Variants in TRABD2B observed in about 807,000 individuals in gnomAD.
TRABD2B encodes TraB domain containing 2B.
A neutral mutation model predicts 40.1 loss-of-function variants in TRABD2B; 14 were observed. The observed-to-expected ratio is 0.35, with a 90% CI of 0.23 to 0.55. TRABD2B has a LOEUF of 0.55. Among genes scored for constraint, TRABD2B ranks in the 20% least tolerant of loss-of-function variants. TRABD2B has a pLI of 0.90. For synonymous variants in TRABD2B, 263 were observed against 277.0 expected (o/e 0.95, Z 0.50); for missense variants, 541 against 648.6 (o/e 0.83, Z 1.80).
At chr1:47,788,831 A>T (rs1569937701) in intron 4 of TRABD2B, among the ~76,000 whole-genome samples, 1 of 152,194 alleles carries the variant, frequency 6.6e-6, no homozygotes, top group Non-Finnish European at 1.5e-5. Context: ...TGGGCCCTAG[A>T]GGTTACCTGG....
At chr1:47,785,695 G>A (rs1644586338) in intron 4 of TRABD2B, among the ~76,000 whole-genome samples, 1 of 152,240 alleles carries the variant, frequency 6.6e-6, no homozygotes, top group South Asian at 2.1e-4. Flanking sequence ...GCTGATTCCA[G>A]GTCAGCACAG....
At chr1:47,823,771 C>T (rs530176328) in intron 2 of TRABD2B, among the ~76,000 whole-genome samples, 2 of 152,310 alleles carry the variant, frequency 1.3e-5, no homozygotes, top group South Asian at 4.2e-4. Context: ...TAGTCTAACC[C>T]TCTGGGTTTT....
rs1462956235 is a variant in TRABD2B, at chr1:47,919,855, C to T, written c.666+74179G>A. ...GTAGGGCTTCCTGGAGAGGGGGGTG[C>T]TGGTGCTGGGGCAGGAAAGAGAGGG... On this transcript the variant is annotated intron_variant, in intron 2 of 6. Transcript: ENST00000606738. Among the ~76,000 whole-genome samples, 6 of 152,164 alleles carry T rather than the reference C, an allele frequency of 3.9e-5. No individual in the cohort carries two copies. The East Asian group carries it at 1.2e-3, about 29-fold the overall frequency.
chr1:47,930,533 C>T (rs570779159), intron 2 of TRABD2B, among the ~76,000 whole-genome samples: 86 of 152,340 alleles, frequency 5.6e-4, no homozygotes, highest in African/African-American at 1.9e-3. Flanking sequence ...CTCCTCCCTG[C>T]TACTGCCCTG....
chr1:47,826,212 C>T (rs902615729), intron 2 of TRABD2B, among the ~76,000 whole-genome samples: 1 of 152,166 alleles, frequency 6.6e-6, no homozygotes, highest in African/African-American at 2.4e-5. Flanking sequence ...ACAGACTTAA[C>T]TGTGGTCAAA....
At chr1:47,982,415 A>C (rs12068027) in intron 2 of TRABD2B, among the ~76,000 whole-genome samples, 5 of 152,132 alleles carry the variant, frequency 3.3e-5, no homozygotes, top group African/African-American at 1.2e-4. Context: ...GGAGGTAAAT[A>C]CTGTTGTGAG....
chr1:47,918,860 G>A (rs1644864370), intron 2 of TRABD2B, among the ~76,000 whole-genome samples: 1 of 152,184 alleles, frequency 6.6e-6, no homozygotes, highest in African/African-American at 2.4e-5. Flanking sequence ...CTTCTGCCTA[G>A]GCTGACCAAA....
At chr1:47,983,269 G>A (rs953987357) in intron 2 of TRABD2B, among the ~76,000 whole-genome samples, 3 of 152,160 alleles carry the variant, frequency 2.0e-5, no homozygotes, top group Non-Finnish European at 4.4e-5. Flanking sequence ...TTCCAAGTGG[G>A]AGCTAAATGA....
At chr1:47,968,006 T>C (rs1186869179) in intron 2 of TRABD2B, among the ~76,000 whole-genome samples, 2 of 152,218 alleles carry the variant, frequency 1.3e-5, no homozygotes, top group Non-Finnish European at 2.9e-5. Context: ...ACAGCATGGT[T>C]TTCAAGGGAA....
chr1:47,766,098 G>T lies in TRABD2B; in HGVS notation c.1358C>A (p.Ala453Asp). The T allele has an allele frequency of 2.8e-6, 2 of 701,824 alleles. No homozygotes were observed. The highest frequency in any genetic ancestry group is 2.6e-6 in the Non-Finnish European group (1 of 384,496). The allele number at this position is 701,824 out of a possible 1,614,324, so 43.5% of individuals were successfully genotyped here. A position where few individuals can be genotyped will look rare whatever the true frequency, so the allele number is the denominator to read the frequency against. ...LWVRIEDSTTASPPPLPLQPT... is the reference protein window; with the variant it reads ...LWVRIEDSTTDSPPPLPLQPT... ...CTGCAGGGGCAGCGGGGGTGGTGAG[G>T]CGGTGGTGCTGGAAAGGAGGAAGCA... Residue 453 changes from alanine (A) to aspartate (D), a missense_variant, in exon 7 of 7, where the codon GCC becomes GAC. Transcript: ENST00000606738.
chr1:47,882,563 T>A (rs948628389), intron 2 of TRABD2B, among the ~76,000 whole-genome samples: 4 of 152,218 alleles, frequency 2.6e-5, no homozygotes, highest in Admixed American at 6.5e-5. Flanking sequence ...GACTTTGTCA[T>A]GCACATAGGG....
chr1:47,997,278 T>C lies in TRABD2B; in HGVS notation c.-489A>G, dbSNP rs1646108149. 1 of 935,450 alleles carries C rather than the reference T, an allele frequency of 1.1e-6. No individual in the cohort carries two copies. The allele number at this position is 935,450 out of a possible 1,614,324, so 57.9% of individuals were successfully genotyped here. ...GCGCGGCAGGGGTGGGGGGCGGCTCTGGGGCGACCGGCTGCCCCCGAGCCC... is the reference window on the plus strand; with the variant it reads ...GCGCGGCAGGGGTGGGGGGCGGCTCCGGGGCGACCGGCTGCCCCCGAGCCC... On this transcript the variant is annotated 5_prime_UTR_variant, in exon 1 of 7. Coordinates refer to ENST00000606738, the MANE Select transcript of TRABD2B (RefSeq NM_001194986.2).
chr1:47,915,756 G>A (rs962147214), intron 2 of TRABD2B, among the ~76,000 whole-genome samples: 7 of 152,186 alleles, frequency 4.6e-5, no homozygotes, highest in Non-Finnish European at 5.9e-5. Flanking sequence ...GGGATGTGCT[G>A]TCAGTCACAG....
chr1:47,900,367 G>C (rs1017839434), intron 2 of TRABD2B, among the ~76,000 whole-genome samples: 1 of 152,164 alleles, frequency 6.6e-6, no homozygotes, highest in African/African-American at 2.4e-5. Context: ...AACCGAGCAA[G>C]TGCCACCTGC....
intron 2 of TRABD2B, among the ~76,000 whole-genome samples, chr1:47,870,824 G>A (rs1381575633): frequency 6.6e-6 from 1 of 152,170 alleles, no homozygotes; most frequent in Non-Finnish European, 1.5e-5. Context: ...GTGTCAGGGA[G>A]GATGGGTCAG....
intron 2 of TRABD2B, among the ~76,000 whole-genome samples, chr1:47,828,997 G>T (rs1334773107): frequency 6.6e-6 from 1 of 152,170 alleles, no homozygotes; most frequent in East Asian, 1.9e-4. Flanking sequence ...ATGGCTGGAG[G>T]ACAATGCTCT....
chr1:47,979,430 G>A (rs1042537587), intron 2 of TRABD2B, among the ~76,000 whole-genome samples: 4 of 152,176 alleles, frequency 2.6e-5, no homozygotes, highest in African/African-American at 9.7e-5. Flanking sequence ...TGAGGTCAGA[G>A]CCAGCTTAGA....
chr1:47,831,525 G>A (rs997397068), intron 2 of TRABD2B, among the ~76,000 whole-genome samples: 1 of 152,176 alleles, frequency 6.6e-6, no homozygotes, highest in Non-Finnish European at 1.5e-5. Context: ...CAGGGTGTGT[G>A]CTCTGGGCAA....
intron 2 of TRABD2B, among the ~76,000 whole-genome samples, chr1:47,821,500 G>A (rs1030996210): frequency 1.3e-5 from 2 of 152,210 alleles, no homozygotes; most frequent in South Asian, 2.1e-4. Context: ...GAAGGAACCC[G>A]ATTGTTTCTC....
Sources: allele counts gnomAD v4.1 joint callset (sites outside exome capture counted in the v4.1 genomes callset), GRCh38; gene constraint gnomAD v4.1.1; transcripts MANE v1.5; gene names NCBI Gene and HGNC (gene_info 2026-07-23, HGNC 2026-07-21).